The following PLEKHA7 variants were observed in gnomAD, a reference collection of about 807,000 sequenced individuals.
PLEKHA7 encodes the protein pleckstrin homology domain containing A7, also known as pleckstrin homology domain-containing family A member 7.
A neutral mutation model predicts 170.0 loss-of-function variants in PLEKHA7; 104 were observed. The observed-to-expected ratio is 0.61, with a 90% confidence interval of 0.52 to 0.72. The LOEUF (loss-of-function observed/expected upper bound fraction) is 0.72. Ranked by LOEUF, PLEKHA7 falls within the 30% of genes least tolerant of loss-of-function variation. The probability of loss-of-function intolerance (pLI) is 0.00; values close to 1 mark genes in which losing one functional copy is unlikely to be tolerated. For synonymous variants in PLEKHA7, 648 were observed against 660.8 expected (o/e 0.98, Z 0.30); for missense variants, 1,615 against 1,671.7 (o/e 0.97, Z 0.59).
intron 3 of PLEKHA7, among the ~76,000 whole-genome samples, chr11:17,010,420 G>A (rs900473656): frequency 1.5e-4 from 22 of 145,318 alleles, no homozygotes; most frequent in African/African-American, 5.6e-4. Context: ...AGAAAAGAAA[G>A]AAAAGAAATG....
intron 3 of PLEKHA7, among the ~76,000 whole-genome samples, chr11:16,936,041 G>A (rs112467382): frequency 0.011 from 1,667 of 152,268 alleles, 10 homozygotes; most frequent in Non-Finnish European, 0.017. Flanking sequence ...ACTGAGCCAG[G>A]AGAACATCCC....
In PLEKHA7 at chr11:16,791,102, A is replaced by G. The variant is rs866786567; in HGVS notation, c.2843T>C (p.Ile948Thr). Residue 948 changes from isoleucine (I) to threonine (T), a missense_variant, in exon 20 of 27, where the codon ATC (isoleucine) becomes ACC (threonine). Transcript: ENST00000531066. The surrounding 1 kb of genome is among the most constrained non-coding windows in gnomAD (Gnocchi z 4.5). Reference sequence around the variant, plus strand: ...GAGGCCCCGCACAGATGTGTGCCGGATGATGGTGGCCTCTCTTGGCAGAGG... The same window carrying G: ...GAGGCCCCGCACAGATGTGTGCCGGGTGATGGTGGCCTCTCTTGGCAGAGG... Reference protein sequence around the residue: ...VPPLPREATIIRHTSVRGLKR... With the variant: ...VPPLPREATITRHTSVRGLKR... 1 of 1,614,074 alleles carries G rather than the reference A, an allele frequency of 6.2e-7. No individual in the cohort carries two copies. The highest frequency in any genetic ancestry group is 8.5e-7 in the Non-Finnish European group (1 of 1,180,014).
intron 9 of PLEKHA7, among the ~76,000 whole-genome samples, chr11:16,836,004 C>T (rs1401949041): frequency 2.0e-5 from 3 of 152,204 alleles, no homozygotes; most frequent in African/African-American, 4.8e-5. Context: ...TCAGAAGTGA[C>T]GCATGTGTTT....
At chr11:16,906,147 G>A (rs1590562103) in intron 3 of PLEKHA7, among the ~76,000 whole-genome samples, 1 of 151,428 alleles carries the variant, frequency 6.6e-6, no homozygotes, top group Non-Finnish European at 1.5e-5. Context: ...AATATTCAAA[G>A]TCCTAATCCC....
chr11:16,903,407 T>C (rs550446957), intron 3 of PLEKHA7, among the ~76,000 whole-genome samples: 1 of 152,234 alleles, frequency 6.6e-6, no homozygotes, highest in East Asian at 1.9e-4. Flanking sequence ...GATCCCCTCA[T>C]CCAGAGGGTC....
intron 3 of PLEKHA7, among the ~76,000 whole-genome samples, chr11:16,877,873 T>G (rs1336419073): frequency 6.6e-6 from 1 of 152,170 alleles, no homozygotes; most frequent in African/African-American, 2.4e-5. Context: ...AAGGTTGTTG[T>G]GATGATAAAA....
At chr11:16,988,947 C>A (rs1413278267) in intron 3 of PLEKHA7, among the ~76,000 whole-genome samples, 1 of 152,184 alleles carries the variant, frequency 6.6e-6, no homozygotes, top group Non-Finnish European at 1.5e-5. Flanking sequence ...GTAAAATACC[C>A]CCAGTTCATT....
chr11:16,881,294 G>A (rs1254512066), intron 3 of PLEKHA7: 1 of 152,112 alleles, frequency 6.6e-6, no homozygotes, highest in Non-Finnish European at 1.5e-5. Context: ...CCTCCCTTTG[G>A]GCTCCACGTT....
intron 26 of PLEKHA7, chr11:16,781,346 T>C (rs752845041): frequency 6.6e-6 from 1 of 152,468 alleles, no homozygotes; most frequent in Non-Finnish European, 1.5e-5. Context: ...GGCCGCAGCA[T>C]GTTAGGGCTG....
intron 3 of PLEKHA7, among the ~76,000 whole-genome samples, chr11:16,932,366 C>T (rs1270917437): frequency 6.7e-6 from 1 of 150,244 alleles, no homozygotes; most frequent in Non-Finnish European, 1.5e-5. Flanking sequence ...CAGCCTCCAA[C>T]TCCTGGGCTC....
intron 3 of PLEKHA7, among the ~76,000 whole-genome samples, chr11:16,994,628 C>G (rs1221835777): frequency 6.6e-6 from 1 of 152,156 alleles, no homozygotes; most frequent in Admixed American, 6.5e-5. Flanking sequence ...CTCTGAGAGG[C>G]CCATTCTGCA....
chr11:16,833,181 T>C (rs1221370512), intron 9 of PLEKHA7, among the ~76,000 whole-genome samples: 1 of 152,134 alleles, frequency 6.6e-6, no homozygotes, highest in African/African-American at 2.4e-5. Flanking sequence ...TTTGCCTAAA[T>C]TAACAAGAGG....
intron 9 of PLEKHA7, among the ~76,000 whole-genome samples, chr11:16,832,474 C>T (rs1851194847): frequency 6.6e-6 from 1 of 152,206 alleles, no homozygotes; most frequent in Non-Finnish European, 1.5e-5. Context: ...TTCTTTTCTT[C>T]ACAAGAACTT....
At chr11:16,827,500 C>T (rs1277087576) in intron 9 of PLEKHA7, among the ~76,000 whole-genome samples, 1 of 152,114 alleles carries the variant, frequency 6.6e-6, no homozygotes. Flanking sequence ...TCTGTGCAAA[C>T]CTGGAAGCTA....
chr11:16,778,823 T>C lies in PLEKHA7; in HGVS notation c.*175A>G, dbSNP rs565211653. ...TAGAGAGGAGTCTGAGCTAAACTAG[T>C]GGGTGCATATTAGGGCCTGGCCTGT... On this transcript the variant is annotated 3_prime_UTR_variant, in exon 27 of 27. Transcript: ENST00000531066. The C allele has an allele frequency of 1.1e-5, 7 of 635,458 alleles. No homozygotes were observed. Among genetic ancestry groups the C allele is most frequent in the African/African-American group, 1.8e-5 (1 of 55,412 alleles). The allele number at this position is 635,458 out of a possible 1,614,324, so 39.4% of individuals were successfully genotyped here.
chr11:16,998,309 A>G (rs1248845068), intron 3 of PLEKHA7, among the ~76,000 whole-genome samples: 1 of 152,116 alleles, frequency 6.6e-6, no homozygotes, highest in Admixed American at 6.5e-5. Context: ...GGAAAAAAAC[A>G]AACAAACAAA....
At chr11:16,859,223 G>A (rs1054095502) in intron 4 of PLEKHA7, among the ~76,000 whole-genome samples, 48 of 152,162 alleles carry the variant, frequency 3.2e-4, no homozygotes, top group Admixed American at 3.1e-3. Context: ...AAAGGACAAG[G>A]CACACACAGC....
chr11:16,867,473 G>C (rs902747729), intron 4 of PLEKHA7, among the ~76,000 whole-genome samples: 2 of 152,142 alleles, frequency 1.3e-5, no homozygotes, highest in Non-Finnish European at 2.9e-5. Flanking sequence ...AAAGAAAGGA[G>C]CCAGTTTTCC....
intron 3 of PLEKHA7, among the ~76,000 whole-genome samples, chr11:16,885,615 A>G (rs1331741888): frequency 7.0e-6 from 1 of 143,424 alleles, no homozygotes; most frequent in African/African-American, 2.5e-5. Context: ...ATTGGCCCAG[A>G]ATTTTCCCTG....
Sources: allele counts gnomAD v4.1 joint callset (sites outside exome capture counted in the v4.1 genomes callset), GRCh38; gene constraint gnomAD v4.1.1; non-coding constraint Gnocchi (gnomAD v3.1); transcripts MANE v1.5; gene names NCBI Gene and HGNC (gene_info 2026-07-23, HGNC 2026-07-21).